The following DIS3L2 variants were observed in gnomAD, a reference collection of about 807,000 sequenced individuals.
DIS3L2 encodes the protein DIS3 like 3'-5' exoribonuclease 2, also known as DIS3-like exonuclease 2.
A neutral mutation model predicts 97.5 loss-of-function variants in DIS3L2; 34 were observed. That is an observed-to-expected ratio of 0.35 (90% CI 0.27 to 0.46). The LOEUF (loss-of-function observed/expected upper bound fraction) is 0.46. Ranked by LOEUF, DIS3L2 falls within the 20% of genes least tolerant of loss-of-function variation. The probability of loss-of-function intolerance (pLI) is 1.00; values close to 1 mark genes in which losing one functional copy is unlikely to be tolerated. For synonymous variants in DIS3L2, 435 were observed against 445.2 expected, an observed-to-expected ratio of 0.98 and a Z score of 0.29; for missense variants, 1,038 against 1,146.0, an observed-to-expected ratio of 0.91 and a Z score of 1.36.
chr2:232,053,434 C>T (rs1695462124), intron 5 of DIS3L2, among the ~76,000 whole-genome samples: 1 of 152,220 alleles, frequency 6.6e-6, no homozygotes, highest in African/African-American at 2.4e-5. Context: ...CAGTTCTCCT[C>T]AGACTCTAAT....
At chr2:232,300,852 C>T (rs1694836744) in intron 14 of DIS3L2, among the ~76,000 whole-genome samples, 1 of 152,034 alleles carries the variant, frequency 6.6e-6, no homozygotes, top group Non-Finnish European at 1.5e-5. Context: ...CAGGGTCTCC[C>T]TATGTTGCCC....
exon 14 of DIS3L2, chr2:232,343,707 G>T: frequency 1.0e-6 from 1 of 995,864 alleles, no homozygotes. Flanking sequence ...TGATTTTGTG[G>T]AAAAGTCAGA....
chr2:232,005,191 T>TTA (rs1553600475), intron 1 of DIS3L2, among the ~76,000 whole-genome samples: 7 of 143,720 alleles, frequency 4.9e-5, no homozygotes, highest in South Asian at 2.2e-4. Flanking sequence ...TTTTTTTTTT[T>TTA]ATTTCACTAG....
intron 14 of DIS3L2, among the ~76,000 whole-genome samples, chr2:232,317,046 G>T (rs747238842): frequency 6.6e-6 from 1 of 152,214 alleles, no homozygotes; most frequent in African/African-American, 2.4e-5. Flanking sequence ...AGAACCACCA[G>T]TACCTCGCTG....
intron 1 of DIS3L2, among the ~76,000 whole-genome samples, chr2:231,963,962 G>T (rs982644860): frequency 6.6e-5 from 10 of 152,128 alleles, no homozygotes; most frequent in African/African-American, 2.2e-4. Flanking sequence ...CAAAAGATCT[G>T]CCTGCCTCAG....
At chr2:232,294,884 A>C (rs1413971578) in intron 13 of DIS3L2, among the ~76,000 whole-genome samples, 1 of 152,142 alleles carries the variant, frequency 6.6e-6, no homozygotes, top group Admixed American at 6.5e-5. Flanking sequence ...CTTAATAAAT[A>C]TTAGCTCCAT....
intron 9 of DIS3L2, among the ~76,000 whole-genome samples, chr2:232,187,833 C>T (rs933910049): frequency 1.8e-4 from 27 of 152,156 alleles, no homozygotes; most frequent in South Asian, 8.3e-4. Flanking sequence ...GCCAGGAGAT[C>T]GAGACCAGCC....
At chr2:232,186,455 C>T (rs1317518703) in intron 9 of DIS3L2, among the ~76,000 whole-genome samples, 1 of 152,164 alleles carries the variant, frequency 6.6e-6, no homozygotes, top group African/African-American at 2.4e-5. Flanking sequence ...GATGGTTTCA[C>T]TGGAGAATTC....
At chr2:232,158,088 CA>C (rs1690547233) in intron 8 of DIS3L2, among the ~76,000 whole-genome samples, 1 of 152,208 alleles carries the variant, frequency 6.6e-6, no homozygotes, top group Non-Finnish European at 1.5e-5. Context: ...CACTGCCTAT[CA>C]GCCTATCAGG....
At chr2:232,008,219 G>T (rs1165913614) in intron 1 of DIS3L2, among the ~76,000 whole-genome samples, 1 of 150,462 alleles carries the variant, frequency 6.6e-6, no homozygotes, top group Non-Finnish European at 1.5e-5. Flanking sequence ...ATAGGGTTGG[G>T]GTTTTGCCAT....
intron 6 of DIS3L2, among the ~76,000 whole-genome samples, chr2:232,119,258 G>T (rs927961039): frequency 6.6e-6 from 1 of 152,090 alleles, no homozygotes; most frequent in East Asian, 1.9e-4. Flanking sequence ...TACTTAACTC[G>T]CTCAGATGAC....
chr2:232,183,625 A>T (rs1691352374), intron 9 of DIS3L2, among the ~76,000 whole-genome samples: 1 of 152,182 alleles, frequency 6.6e-6, no homozygotes, highest in African/African-American at 2.4e-5. Flanking sequence ...CCCTTTATAG[A>T]TGCCTCATTC....
chr2:232,224,422 C>T (rs1574956429), intron 10 of DIS3L2, among the ~76,000 whole-genome samples: 1 of 152,120 alleles, frequency 6.6e-6, no homozygotes, highest in Admixed American at 6.5e-5. Flanking sequence ...GAAAAATAAC[C>T]TTATGACCTT....
chr2:231,972,486 T>C (rs1266513665), intron 1 of DIS3L2, among the ~76,000 whole-genome samples: 1 of 152,228 alleles, frequency 6.6e-6, no homozygotes, highest in Non-Finnish European at 1.5e-5. Flanking sequence ...TGCCATAGCA[T>C]ATATGTCTGT....
chr2:232,252,131 GGT>G (rs1399041198), intron 12 of DIS3L2, among the ~76,000 whole-genome samples: 1 of 152,236 alleles, frequency 6.6e-6, no homozygotes, highest in African/African-American at 2.4e-5. Context: ...CTAAGTGCCA[GGT>G]GTGGTGGCTC....
intron 5 of DIS3L2, among the ~76,000 whole-genome samples, chr2:232,084,641 T>G (rs1008731819): frequency 1.3e-5 from 2 of 152,224 alleles, no homozygotes; most frequent in African/African-American, 2.4e-5. Context: ...GAGATATGTC[T>G]GTTTCTAACT....
chr2:232,129,282 G>A (rs1036362159), intron 6 of DIS3L2, among the ~76,000 whole-genome samples: 2 of 152,174 alleles, frequency 1.3e-5, no homozygotes, highest in African/African-American at 4.8e-5. Flanking sequence ...TCCACGCTTT[G>A]ATTTTTTTCC....
At chr2:232,207,958 T>C (rs895157873) in intron 9 of DIS3L2, among the ~76,000 whole-genome samples, 7 of 152,158 alleles carry the variant, frequency 4.6e-5, no homozygotes, top group Admixed American at 2.0e-4. Context: ...TTTAAAAATA[T>C]GAAAAAGTAC....
At chr2:231,989,734 C>G (rs1232115669) in intron 1 of DIS3L2, among the ~76,000 whole-genome samples, 1 of 151,972 alleles carries the variant, frequency 6.6e-6, no homozygotes, top group Non-Finnish European at 1.5e-5. Flanking sequence ...TACTCGGGAG[C>G]TGAAGTGGGA....
Sources: gnomAD v4.1 joint callset for allele counts (sites outside exome capture counted in the v4.1 genomes callset) on GRCh38, gnomAD v4.1.1 for gene constraint, MANE v1.5 for transcripts, NCBI Gene and HGNC (gene_info 2026-07-23, HGNC 2026-07-21) for gene names.